CIMAP1D: variants seen among roughly 807,000 people sequenced by gnomAD.
CIMAP1D encodes the protein CIMAP1 family member D.
the CIMAP1D span, chr19:467,623 T>C: frequency 2.1e-6 from 3 of 1,462,276 alleles, no homozygotes; most frequent in Non-Finnish European, 2.9e-6. Flanking sequence ...CAGGTCCTTG[T>C]GCGGCTGCTT....
At chr19:466,849 T>G in the CIMAP1D span, among the ~76,000 whole-genome samples, 3 of 16,776 alleles carry the variant, frequency 1.8e-4, no homozygotes, top group African/African-American at 2.5e-4. Flanking sequence ...GGTGGGTGGG[T>G]GGGTGGGTGG....
At chr19:485,334 C>A in the CIMAP1D span, among the ~76,000 whole-genome samples, 1 of 152,228 alleles carries the variant, frequency 6.6e-6, no homozygotes, top group Non-Finnish European at 1.5e-5. Flanking sequence ...TGCCCGAGCC[C>A]CGTGGCGCCC....
chr19:477,902 G>C, the CIMAP1D span, among the ~76,000 whole-genome samples: 5 of 152,138 alleles, frequency 3.3e-5, no homozygotes, highest in African/African-American at 1.2e-4. Context: ...GCTCTACTCT[G>C]ACCATCCGGA....
At chr19:470,507 G>A in the CIMAP1D span, among the ~76,000 whole-genome samples, 8 of 152,160 alleles carry the variant, frequency 5.3e-5, no homozygotes, top group African/African-American at 1.2e-4. Flanking sequence ...CACCGCGCCC[G>A]GCCCATAGGC....
At chr19:491,325 T>A in the CIMAP1D span, among the ~76,000 whole-genome samples, 3 of 152,276 alleles carry the variant, frequency 2.0e-5, no homozygotes, top group African/African-American at 7.2e-5. Flanking sequence ...TTATGGTGTT[T>A]GCGACGTCGT....
the CIMAP1D span, among the ~76,000 whole-genome samples, chr19:479,772 G>A: frequency 2.6e-5 from 4 of 152,326 alleles, no homozygotes; most frequent in Non-Finnish European, 2.9e-5. Flanking sequence ...TCCTGACCTT[G>A]TGATCCGCCT....
chr19:487,239 T>A, the CIMAP1D span, among the ~76,000 whole-genome samples: 1 of 152,182 alleles, frequency 6.6e-6, no homozygotes, highest in Non-Finnish European at 1.5e-5. Context: ...TTGGCTCATG[T>A]TGGCAGCCAC....
At chr19:472,424 C>T in the CIMAP1D span, 5 of 1,544,236 alleles carry the variant, frequency 3.2e-6, no homozygotes, top group Non-Finnish European at 4.4e-6. Context: ...AGCGAGTAGG[C>T]GGGACTGGCC....
At chr19:470,854 G>A in the CIMAP1D span, among the ~76,000 whole-genome samples, 1 of 152,248 alleles carries the variant, frequency 6.6e-6, no homozygotes, top group Admixed American at 6.5e-5. Flanking sequence ...TGCCGGGCGG[G>A]GTCCACGCCG....
At chr19:481,899 T>C in the CIMAP1D span, among the ~76,000 whole-genome samples, 1 of 151,568 alleles carries the variant, frequency 6.6e-6, no homozygotes, top group East Asian at 1.9e-4. Flanking sequence ...CTTCAGCCTC[T>C]GGAGTAGCTA....
the CIMAP1D span, among the ~76,000 whole-genome samples, chr19:479,411 T>TTG: frequency 3.0e-5 from 1 of 33,344 alleles, no homozygotes; most frequent in Non-Finnish European, 7.7e-5. Context: ...TTTTTTTTTT[T>TTG]GGGGGGGGGG....
the CIMAP1D span, among the ~76,000 whole-genome samples, chr19:468,585 T>C: frequency 2.0e-4 from 30 of 152,184 alleles, no homozygotes; most frequent in African/African-American, 7.0e-4. Context: ...AGTGAGAGGA[T>C]CCACAGAAGG....
chr19:480,116 C>A, the CIMAP1D span, among the ~76,000 whole-genome samples: 1 of 152,238 alleles, frequency 6.6e-6, no homozygotes, highest in Non-Finnish European at 1.5e-5. Context: ...AGAAGCCGAA[C>A]TCGGGAGGCG....
the CIMAP1D span, chr19:463,917 T>C: frequency 1.9e-6 from 3 of 1,611,568 alleles, no homozygotes; most frequent in Non-Finnish European, 2.5e-6. Context: ...GCTGGCCCGT[T>C]TCGAGTGGCG....
chr19:482,715 G>A, the CIMAP1D span, among the ~76,000 whole-genome samples: 149 of 152,218 alleles, frequency 9.8e-4, 2 homozygotes, highest in African/African-American at 3.4e-3. Flanking sequence ...GGACAGAGGC[G>A]GAGGTCACAA....
At chr19:480,354 C>T in the CIMAP1D span, among the ~76,000 whole-genome samples, 226 of 152,322 alleles carry the variant, frequency 1.5e-3, no homozygotes, top group Middle Eastern at 0.01. Flanking sequence ...TCACAAGCGC[C>T]CTCTGGTGAC....
the CIMAP1D span, among the ~76,000 whole-genome samples, chr19:483,475 C>T: frequency 6.6e-6 from 1 of 152,202 alleles, no homozygotes; most frequent in Non-Finnish European, 1.5e-5. Context: ...GGCTCACCCT[C>T]GTTCCAGTGA....
At chr19:467,858 C>T in the CIMAP1D span, 2 of 776,550 alleles carry the variant, frequency 2.6e-6, no homozygotes, top group Non-Finnish European at 4.2e-6. Flanking sequence ...GAGACACTCC[C>T]ACCAGGTCAG....
At chr19:484,662 C>T in the CIMAP1D span, among the ~76,000 whole-genome samples, 3 of 152,142 alleles carry the variant, frequency 2.0e-5, no homozygotes, top group Admixed American at 6.6e-5. Context: ...GGGAGGGCAC[C>T]GCTGTGCAAA....
Sources: allele counts gnomAD v4.1 joint callset (sites outside exome capture counted in the v4.1 genomes callset), GRCh38; gene constraint gnomAD v4.1.1; transcripts MANE v1.5; gene names NCBI Gene and HGNC (gene_info 2026-07-23, HGNC 2026-07-21).